ZNF618: variants seen among roughly 807,000 people sequenced by gnomAD.
The protein encoded by ZNF618 is neural precursor cell expressed, developmentally down-regulated 10.
ZNF618 carries 34 observed loss-of-function variants against 103.0 expected under a neutral mutation model. That is an observed-to-expected ratio of 0.33 (90% confidence interval 0.25 to 0.44). The LOEUF (loss-of-function observed/expected upper bound fraction) is 0.44, where lower values mean the gene tolerates loss of function less well. Among genes scored for constraint, ZNF618 ranks in the 20% least tolerant of loss-of-function variants. ZNF618 has a pLI of 1.00. For synonymous variants in ZNF618, 551 were observed against 542.2 expected (o/e 1.02, Z -0.23); for missense variants, 1,059 against 1,295.4 (o/e 0.82, Z 2.80).
chr9:114,010,824 G>T (rs1422715535), intron 9 of ZNF618, among the ~76,000 whole-genome samples: 1 of 152,198 alleles, frequency 6.6e-6, no homozygotes, highest in African/African-American at 2.4e-5. Context: ...TCTGGCAGTG[G>T]TCCCAGTGTA....
intron 4 of ZNF618, 50 bp from the exon 5 acceptor site, chr9:114,001,946 T>C: frequency 6.6e-7 from 1 of 1,519,298 alleles, no homozygotes; most frequent in Non-Finnish European, 9.1e-7. Flanking sequence ...TCCTGGGACC[T>C]TGTGGTCACA....
chr9:113,982,386 C>A (rs1308993791), intron 2 of ZNF618, among the ~76,000 whole-genome samples: 2 of 152,060 alleles, frequency 1.3e-5, no homozygotes, highest in African/African-American at 4.8e-5. Flanking sequence ...GTGGCCACAT[C>A]ATTCCAGCTC....
In ZNF618 at chr9:114,032,735, G is replaced by A; in HGVS notation, c.1168+7G>A. On this transcript the variant is annotated splice_region_variant and intron_variant, in intron 12 of 14. Transcript: ENST00000374126. ...AGTTCGCAGAACTCCAGCGGTGAGT[G>A]TGCCCCTTGACAGCCATCCTGTGCG... is the stretch of plus-strand genomic sequence containing the variant. 6.2e-7 allele frequency: 1 copy of A among 1,613,878 alleles called. No individual in the cohort carries two copies.
chr9:113,979,485 G>A (rs1357961569), intron 2 of ZNF618, among the ~76,000 whole-genome samples: 3 of 152,226 alleles, frequency 2.0e-5, no homozygotes, highest in South Asian at 4.1e-4. Context: ...ATTGGCTTCT[G>A]TGAAACATCC....
chr9:113,876,772 C>T (rs1827982896), intron 1 of ZNF618, among the ~76,000 whole-genome samples: 1 of 150,574 alleles, frequency 6.6e-6, no homozygotes, highest in Admixed American at 6.6e-5. Flanking sequence ...TGCCCCCTCC[C>T]CCCCAAATTT....
chr9:113,879,377 ACTGTTTTTTTTTTTTTT>A (rs1287196187), intron 1 of ZNF618, among the ~76,000 whole-genome samples: 59 of 131,134 alleles, frequency 4.5e-4, no homozygotes, highest in Admixed American at 8.2e-4. Context: ...GTTTTGTAGA[ACTGTTTTTTTTTTTTTT>A]CTGTTTTTTT....
chr9:113,953,738 C>G (rs899839768), intron 1 of ZNF618, among the ~76,000 whole-genome samples: 8 of 152,124 alleles, frequency 5.3e-5, no homozygotes, highest in Non-Finnish European at 1.2e-4. Context: ...TTCCGGGAAC[C>G]TGAGTCATCT....
intron 1 of ZNF618, among the ~76,000 whole-genome samples, chr9:113,899,733 T>C (rs1022363828): frequency 1.3e-5 from 2 of 152,206 alleles, no homozygotes; most frequent in Admixed American, 6.5e-5. Context: ...ACAGCATTTG[T>C]GTTTTTGTGG....
At chr9:113,895,900 T>G (rs1329775903) in intron 1 of ZNF618, among the ~76,000 whole-genome samples, 1 of 152,166 alleles carries the variant, frequency 6.6e-6, no homozygotes, top group Non-Finnish European at 1.5e-5. Flanking sequence ...TGGCTTTTGC[T>G]CTTTTCATGC....
At chr9:113,965,730 G>A (rs1443081712) in intron 1 of ZNF618, among the ~76,000 whole-genome samples, 1 of 152,162 alleles carries the variant, frequency 6.6e-6, no homozygotes, top group Non-Finnish European at 1.5e-5. Context: ...GGTTCAAAAT[G>A]AGACTCAGAG....
intron 13 of ZNF618, among the ~76,000 whole-genome samples, chr9:114,046,329 C>CT (rs1471377321): frequency 6.6e-6 from 1 of 152,016 alleles, no homozygotes; most frequent in Non-Finnish European, 1.5e-5. Context: ...TTTACTATAC[C>CT]TTTTTTATGT....
In ZNF618 at chr9:114,056,555, G is replaced by A. The variant is rs1031572703; in HGVS notation, c.*6388G>A. ...GTTGCTTAAATGATTTCATGTCAGT[G>A]TTGTATTTATGGTTTTACAATAAAA... On this transcript the variant is annotated 3_prime_UTR_variant, in exon 15 of 15. Transcript: ENST00000374126. 2 of 152,236 alleles carry A rather than the reference G, an allele frequency of 1.3e-5. No individual in the cohort carries two copies. Among genetic ancestry groups the A allele is most frequent in the Middle Eastern group, 3.2e-3 (1 of 316 alleles). 9.4% of individuals were successfully genotyped at this position (152,236 alleles called of 1,614,324 possible).
intron 3 of ZNF618, among the ~76,000 whole-genome samples, chr9:113,991,004 C>T (rs988416793): frequency 6.6e-6 from 1 of 152,208 alleles, no homozygotes; most frequent in African/African-American, 2.4e-5. Flanking sequence ...TCATTAGACC[C>T]AGTAGCTGTT....
Position 113,922,872 on chromosome 9 carries a change from A to G in ZNF618, c.34-46245A>G, listed in dbSNP as rs564246781. Among the ~76,000 whole-genome samples, 4 of 152,346 alleles carry G rather than the reference A, an allele frequency of 2.6e-5. No homozygotes were observed. The East Asian group carries it at 7.7e-4, about 29-fold the overall frequency. ...TGGACTTGTGATTGGGATTGTATCA[A>G]ATCTTTAGATAAAGTTGGAAAGAAA... On this transcript the variant is annotated intron_variant, in intron 1 of 14. Coordinates refer to ENST00000374126, the MANE Select transcript of ZNF618 (RefSeq NM_001318042.2).
chr9:114,036,362 A>C lies in ZNF618; in HGVS notation c.1231A>C (p.Met411Leu). ...GTTCTACAACAACCTGTTGGAGCAC[A>C]TGCAGTCCCATGCAGGTAAGTAGGA... ...FQFYNNLLEH[M>L]QSHAADNENN... Residue 411 changes from methionine (M) to leucine (L), a missense_variant, in exon 13 of 15, where the codon ATG becomes CTG. Met to Leu is a conservative substitution (Grantham distance 15). This residue lies in a region of ZNF618 where 434 missense variants were observed against 476.0 expected (regional missense o/e 0.91). Transcript: ENST00000374126. 2 of 1,578,272 alleles carry C rather than the reference A, an allele frequency of 1.3e-6. No individual in the cohort carries two copies. Among genetic ancestry groups the C allele is most frequent in the East Asian group, 2.3e-5 (1 of 43,186 alleles).
intron 2 of ZNF618, 67 bp from the exon 3 acceptor site, chr9:113,988,254 A>G: frequency 2.0e-6 from 3 of 1,537,602 alleles, no homozygotes; most frequent in Non-Finnish European, 2.6e-6. Flanking sequence ...CTGTGGTGCC[A>G]TGGGCTGGTG....
chr9:113,926,886 G>A (rs1190051049), intron 1 of ZNF618, among the ~76,000 whole-genome samples: 4 of 152,172 alleles, frequency 2.6e-5, no homozygotes, highest in Admixed American at 2.0e-4. Context: ...GGTGGCATGT[G>A]CCTATAGTCT....
chr9:113,957,763 T>G (rs915067791), intron 1 of ZNF618, among the ~76,000 whole-genome samples: 2 of 152,030 alleles, frequency 1.3e-5, no homozygotes, highest in African/African-American at 4.8e-5. Flanking sequence ...TGCAACCCTT[T>G]GTATTTATAA....
intron 13 of ZNF618, among the ~76,000 whole-genome samples, chr9:114,041,464 C>G (rs1323769795): frequency 1.3e-5 from 2 of 152,154 alleles, no homozygotes; most frequent in Non-Finnish European, 2.9e-5. Flanking sequence ...AGTTTTAGGT[C>G]TAACATTTAA....
Sources: allele counts gnomAD v4.1 joint callset (sites outside exome capture counted in the v4.1 genomes callset), GRCh38; gene constraint gnomAD v4.1.1; regional missense constraint gnomAD v4.1.1; transcripts MANE v1.5; gene names NCBI Gene and HGNC (gene_info 2026-07-23, HGNC 2026-07-21).